PIK3CA: variants seen among roughly 807,000 people sequenced by gnomAD.
The protein encoded by PIK3CA is phosphatidylinositol 4,5-bisphosphate 3-kinase catalytic subunit alpha isoform.
Under a neutral mutation model 138.2 loss-of-function variants are expected in PIK3CA, and 27 were observed. The observed-to-expected ratio is 0.20, with a 90% confidence interval of 0.14 to 0.27. The LOEUF is 0.27. PIK3CA is among the 10% of genes least tolerant of loss of function. PIK3CA has a pLI of 1.00. For synonymous variants in PIK3CA, 358 were observed against 413.2 expected, an observed-to-expected ratio of 0.87 and a Z score of 1.62; for missense variants, 544 against 1,277.4, an observed-to-expected ratio of 0.43 and a Z score of 8.75.
intron 14 of PIK3CA, among the ~76,000 whole-genome samples, chr3:179,223,685 GTC>G (rs1725018326): frequency 6.6e-6 from 1 of 152,160 alleles, no homozygotes; most frequent in South Asian, 2.1e-4. Context: ...GGCCCATGTG[GTC>G]TCTGTCTTAA....
In PIK3CA at chr3:179,236,401, A is replaced by G; in HGVS notation, c.*2037A>G. The G allele has an allele frequency of 1.4e-5, 3 of 211,828 alleles. No homozygotes were observed. The highest frequency in any genetic ancestry group is 2.9e-5 in the Non-Finnish European group (3 of 103,728). The allele number at this position is 211,828 out of a possible 1,614,324, so 13.1% of individuals were successfully genotyped here. On this transcript the variant is annotated 3_prime_UTR_variant, in exon 21 of 21. Transcript: ENST00000263967. ...TTTCATAACTTATTAAAACTTATTA[A>G]CATTTTGTGTTGTTTAGATATAGGC...
At chr3:179,201,645 G>C (rs1411694324) in intron 4 of PIK3CA, 105 bp downstream of exon 4, 1 of 756,674 alleles carries the variant, frequency 1.3e-6, no homozygotes, top group African/African-American at 2.1e-5. Flanking sequence ...TCTCACTCTC[G>C]CCCAGGCTGG....
rs968978635 is a variant in PIK3CA at position 179,234,442 on chromosome 3, T to G, written c.*78T>G. The G allele has an allele frequency of 1.6e-6, 2 of 1,223,686 alleles. No individual in the cohort carries two copies. The highest frequency in any genetic ancestry group is 2.2e-5 in the Admixed American group (1 of 45,864). 75.8% of individuals were successfully genotyped at this position (1,223,686 alleles called of 1,614,324 possible). A position where few individuals can be genotyped will look rare whatever the true frequency, so the allele number is the denominator to read the frequency against. ...ATAACTCTCAGCAGGCAAAGACCGA[T>G]TGCATAGGAATTGCACAATCCATGA... On this transcript the variant is annotated 3_prime_UTR_variant, in exon 21 of 21. Transcript: ENST00000263967. The surrounding 1 kb of genome is among the most constrained non-coding windows in gnomAD (Gnocchi z 5.1).
intron 1 of PIK3CA, among the ~76,000 whole-genome samples, chr3:179,187,052 A>G (rs1354992611): frequency 6.6e-6 from 1 of 150,924 alleles, no homozygotes; most frequent in African/African-American, 2.4e-5. Context: ...TTTTTTTCCT[A>G]ATTTAAAAAA....
intron 14 of PIK3CA, 36 bp from the exon 15 acceptor site, chr3:179,224,045 A>C: frequency 8.9e-7 from 1 of 1,119,730 alleles, no homozygotes; most frequent in Non-Finnish European, 1.4e-6. Flanking sequence ...TTATTAAGTC[A>C]GTTTCTTACT....
intron 1 of PIK3CA, among the ~76,000 whole-genome samples, chr3:179,155,763 A>G (rs942145272): frequency 6.6e-6 from 1 of 152,220 alleles, no homozygotes; most frequent in Non-Finnish European, 1.5e-5. Context: ...GGATAACTGT[A>G]TATAAGAAAC....
intron 1 of PIK3CA, among the ~76,000 whole-genome samples, chr3:179,175,556 G>A (rs563255788): frequency 6.6e-6 from 1 of 151,868 alleles, no homozygotes; most frequent in African/African-American, 2.4e-5. Context: ...CCTCTCCTTT[G>A]TTTTCATTAT....
intron 1 of PIK3CA, among the ~76,000 whole-genome samples, chr3:179,177,989 CAGTGCTCTGGG>C (rs1270052920): frequency 2.0e-5 from 3 of 148,646 alleles, no homozygotes; most frequent in Non-Finnish European, 4.4e-5. Context: ...CCTTTAATCC[CAGTGCTCTGGG>C]AGGCCAAGGT....
At chr3:179,152,837 T>C (rs1723046523) in intron 1 of PIK3CA, among the ~76,000 whole-genome samples, 1 of 152,182 alleles carries the variant, frequency 6.6e-6, no homozygotes, top group Non-Finnish European at 1.5e-5. Context: ...AACACCCAGG[T>C]GTTAGTCAAC....
chr3:179,208,889 T>C (rs1724635226), intron 6 of PIK3CA, among the ~76,000 whole-genome samples: 3 of 150,928 alleles, frequency 2.0e-5, no homozygotes, highest in Admixed American at 2.0e-4. Context: ...AACTATATTA[T>C]GTATAAAAGT....
chr3:179,203,549 A>C lies in PIK3CA; in HGVS notation c.819A>C (p.Ile273=). The C allele has an allele frequency of 6.2e-7, 1 of 1,613,254 alleles. No homozygotes were observed. The highest frequency in any genetic ancestry group is 1.1e-5 in the South Asian group (1 of 91,034). ...EKYPLSQYKY[I]RSCIMLGRMP... ...GCCCCCTTAATCTCTTACAGTATATAAGAAGCTGTATAATGCTTGGGAGGA... is the reference window on the plus strand; with the variant it reads ...GCCCCCTTAATCTCTTACAGTATATCAGAAGCTGTATAATGCTTGGGAGGA... The change falls in exon 5 of 21, where the codon ATA becomes ATC. Residue 273 remains isoleucine (I), a synonymous_variant. Transcript: ENST00000263967.
intron 1 of PIK3CA, among the ~76,000 whole-genome samples, chr3:179,197,088 G>T (rs1724285081): frequency 6.6e-6 from 1 of 151,974 alleles, no homozygotes; most frequent in South Asian, 2.1e-4. Context: ...GCCCAGACTG[G>T]AGTGCAGTGG....
intron 17 of PIK3CA, among the ~76,000 whole-genome samples, chr3:179,228,834 A>C (rs1445075342): frequency 6.6e-6 from 1 of 152,134 alleles, no homozygotes; most frequent in African/African-American, 2.4e-5. Flanking sequence ...ATATCATTAG[A>C]TGTAATTCAC....
chr3:179,167,964 T>A (rs1366363403), intron 1 of PIK3CA, among the ~76,000 whole-genome samples: 1 of 152,220 alleles, frequency 6.6e-6, no homozygotes, highest in Non-Finnish European at 1.5e-5. Flanking sequence ...ATCTGTTGCT[T>A]CAAACCTGTT....
At chr3:179,187,665 T>TCTTG (rs1269492626) in intron 1 of PIK3CA, among the ~76,000 whole-genome samples, 3 of 151,262 alleles carry the variant, frequency 2.0e-5, no homozygotes, top group Non-Finnish European at 4.4e-5. Flanking sequence ...TGGGATGGAG[T>TCTTG]CTTGCTCTGT....
chr3:179,169,692 T>C (rs1723503097), intron 1 of PIK3CA, among the ~76,000 whole-genome samples: 1 of 152,198 alleles, frequency 6.6e-6, no homozygotes, highest in African/African-American at 2.4e-5. Flanking sequence ...CTATTCTATT[T>C]TTATAACTAA....
In PIK3CA at chr3:179,230,198, T is replaced by G. The variant is rs1371212211; in HGVS notation, c.2785-27T>G. 1 of 1,582,906 alleles carries G rather than the reference T, an allele frequency of 6.3e-7. No individual in the cohort carries two copies. Among genetic ancestry groups the G allele is most frequent in the African/African-American group, 1.4e-5 (1 of 73,812 alleles). On this transcript the variant is annotated intron_variant, in intron 19 of 20. Transcript: ENST00000263967. The surrounding 1 kb of genome is among the most constrained non-coding windows in gnomAD (Gnocchi z 5.4). ...CATTTTGTATCTGCATATATCAAAC[T>G]ATAACATAATTTCTTATTTTTGAAA... is the stretch of plus-strand genomic sequence containing the variant.
At chr3:179,207,692 G>A (rs1724601760) in intron 6 of PIK3CA, among the ~76,000 whole-genome samples, 1 of 151,724 alleles carries the variant, frequency 6.6e-6, no homozygotes, top group African/African-American at 2.4e-5. Context: ...GCTAATCTTG[G>A]CATTTTTAGT....
chr3:179,163,307 T>C (rs1057503335), intron 1 of PIK3CA, among the ~76,000 whole-genome samples: 9 of 152,122 alleles, frequency 5.9e-5, no homozygotes, highest in African/African-American at 1.9e-4. Context: ...GGAAATACTT[T>C]CCAAAGCTTC....
Sources: gnomAD v4.1 joint callset for allele counts (sites outside exome capture counted in the v4.1 genomes callset) on GRCh38, gnomAD v4.1.1 for gene constraint, Gnocchi (gnomAD v3.1) non-coding constraint, MANE v1.5 for transcripts, NCBI Gene and HGNC (gene_info 2026-07-23, HGNC 2026-07-21) for gene names.